Variants in FSAF1 observed in about 807,000 individuals in gnomAD.
FSAF1 encodes uncharacterized protein C1orf131.
chr1:231,225,998 C>CAAAAAAAAAAAA, the FSAF1 span: 3 of 28,366 alleles, frequency 1.1e-4, no homozygotes, highest in Non-Finnish European at 1.2e-4. Flanking sequence ...ACGTAAAATG[C>CAAAAAAAAAAAA]AAAAAAAAAA....
the FSAF1 span, chr1:231,224,034 A>T: frequency 2.7e-6 from 1 of 377,072 alleles, no homozygotes; most frequent in Non-Finnish European, 4.7e-6. Flanking sequence ...TTTGCTGGAG[A>T]ACATTAAAAA....
At chr1:231,230,577 T>A in the FSAF1 span, among the ~76,000 whole-genome samples, 1 of 152,170 alleles carries the variant, frequency 6.6e-6, no homozygotes, top group Admixed American at 6.5e-5. Context: ...ATGGTGGTAG[T>A]CCACCCTGCA....
At chr1:231,234,329 G>A in the FSAF1 span, among the ~76,000 whole-genome samples, 4 of 152,220 alleles carry the variant, frequency 2.6e-5, no homozygotes, top group Admixed American at 6.5e-5. The surrounding 1 kb of genome is among the most constrained non-coding windows in gnomAD (Gnocchi z 4.0). Flanking sequence ...CCCAATGCTA[G>A]CTGTGGAGAA....
the FSAF1 span, chr1:231,227,005 C>G: frequency 6.2e-7 from 1 of 1,614,170 alleles, no homozygotes; most frequent in Non-Finnish European, 8.5e-7. Flanking sequence ...CGTTCCTGTT[C>G]CAGGATTCTC....
At chr1:231,238,886 A>G in the FSAF1 span, 2 of 1,613,760 alleles carry the variant, frequency 1.2e-6, no homozygotes, top group South Asian at 2.2e-5. Context: ...TCTGGCGTCA[A>G]TTTTCTTTTT....
At chr1:231,237,144 G>A in the FSAF1 span, 1 of 152,184 alleles carries the variant, frequency 6.6e-6, no homozygotes, top group Non-Finnish European at 1.5e-5. Flanking sequence ...ACTGGCGTGA[G>A]CCACCACGCT....
the FSAF1 span, among the ~76,000 whole-genome samples, chr1:231,228,158 A>G: frequency 6.6e-6 from 1 of 152,238 alleles, no homozygotes; most frequent in Non-Finnish European, 1.5e-5. Flanking sequence ...CACTCTTAGT[A>G]GTTGAATTAC....
chr1:231,241,169 G>A, the FSAF1 span: 3 of 1,593,104 alleles, frequency 1.9e-6, no homozygotes, highest in Admixed American at 3.4e-5. Flanking sequence ...CCGCTTCCGG[G>A]TTCCGCGACT....
chr1:231,228,830 T>C, the FSAF1 span, among the ~76,000 whole-genome samples: 1 of 151,724 alleles, frequency 6.6e-6, no homozygotes, highest in African/African-American at 2.4e-5. Context: ...CTACTAAAAA[T>C]ACAAAAAAAT....
At chr1:231,224,533 A>AC in the FSAF1 span, 2 of 953,690 alleles carry the variant, frequency 2.1e-6, no homozygotes. Context: ...TGCCATGCAC[A>AC]CCCCCCACCC....
chr1:231,224,864 T>C, the FSAF1 span: 95 of 172,786 alleles, frequency 5.5e-4, no homozygotes, highest in Non-Finnish European at 9.4e-4. Flanking sequence ...ATATCTTTAG[T>C]GTGATTACAG....
At chr1:231,226,524 G>A in the FSAF1 span, 1 of 599,860 alleles carries the variant, frequency 1.7e-6, no homozygotes, top group Non-Finnish European at 3.0e-6. Flanking sequence ...CTAAGACAAG[G>A]AGTTTGCTAT....
chr1:231,233,134 G>A, the FSAF1 span, among the ~76,000 whole-genome samples: 1 of 152,218 alleles, frequency 6.6e-6, no homozygotes, highest in South Asian at 2.1e-4. Flanking sequence ...GGGGCAGTAT[G>A]AGAGCTGCAA....
chr1:231,227,585 G>GTTTTTTT, the FSAF1 span, among the ~76,000 whole-genome samples: 3 of 102,118 alleles, frequency 2.9e-5, no homozygotes, highest in African/African-American at 7.7e-5. Flanking sequence ...CTCGCCCACG[G>GTTTTTTT]TTTTTTTTTT....
the FSAF1 span, chr1:231,237,310 A>C: frequency 1.3e-5 from 2 of 152,272 alleles, no homozygotes; most frequent in African/African-American, 2.4e-5. Flanking sequence ...TACATTCATA[A>C]AGAACAATGC....
At chr1:231,227,121 A>G in the FSAF1 span, 1 of 1,556,546 alleles carries the variant, frequency 6.4e-7, no homozygotes, top group Non-Finnish European at 8.9e-7. Context: ...ACTCCAAAGA[A>G]AAAAACATAC....
chr1:231,239,823 C>A, the FSAF1 span, among the ~76,000 whole-genome samples: 1 of 152,188 alleles, frequency 6.6e-6, no homozygotes, highest in African/African-American at 2.4e-5. Context: ...ATACAATAAA[C>A]ATTTAAGAGC....
the FSAF1 span, among the ~76,000 whole-genome samples, chr1:231,235,495 C>CA: frequency 0.013 from 1,688 of 130,728 alleles, 16 homozygotes; most frequent in Non-Finnish European, 0.017. Context: ...GACTCCATCT[C>CA]AAAAAAAAAA....
At chr1:231,238,998 A>T in the FSAF1 span, 1 of 1,614,154 alleles carries the variant, frequency 6.2e-7, no homozygotes, top group Admixed American at 1.7e-5. Context: ...TGGGGGTCCC[A>T]GAAGGAGCAC....
Sources: allele counts gnomAD v4.1 joint callset (sites outside exome capture counted in the v4.1 genomes callset), GRCh38; gene constraint gnomAD v4.1.1; non-coding constraint Gnocchi (gnomAD v3.1); transcripts MANE v1.5; gene names NCBI Gene and HGNC (gene_info 2026-07-23, HGNC 2026-07-21).